IMMP2L: variants seen among roughly 807,000 people sequenced by gnomAD.
The protein encoded by IMMP2L is inner mitochondrial membrane peptidase subunit 2, also known as mitochondrial inner membrane protease subunit 2.
IMMP2L carries 18 observed loss-of-function variants against 19.3 expected under a neutral mutation model. The ratio of observed to expected loss-of-function variants is 0.93; its 90% CI spans 0.64 to 1.38. The LOEUF (loss-of-function observed/expected upper bound fraction) is 1.38. IMMP2L is among the 40% of genes most tolerant of loss of function. The pLI, the probability that IMMP2L is intolerant of heterozygous loss-of-function variation, is 0.00. For missense variants in IMMP2L, 233 were observed against 218.2 expected, an observed-to-expected ratio of 1.07 and a Z score of -0.43; for synonymous variants, 76 against 73.0, an observed-to-expected ratio of 1.04 and a Z score of -0.21.
chr7:110,970,172 G>A (rs1341653840), intron 3 of IMMP2L, among the ~76,000 whole-genome samples: 2 of 152,042 alleles, frequency 1.3e-5, no homozygotes, highest in African/African-American at 4.8e-5. Context: ...ATTGAAAAGA[G>A]CTGTGTAATT....
At chr7:111,373,483 C>T (rs1307797238) in intron 3 of IMMP2L, among the ~76,000 whole-genome samples, 1 of 151,958 alleles carries the variant, frequency 6.6e-6, no homozygotes, top group Non-Finnish European at 1.5e-5. Flanking sequence ...GAAAAGAGGC[C>T]ATGCAGTTAG....
At chr7:111,310,268 T>C (rs1232436143) in intron 3 of IMMP2L, among the ~76,000 whole-genome samples, 3 of 150,066 alleles carry the variant, frequency 2.0e-5, no homozygotes, top group African/African-American at 7.4e-5. Flanking sequence ...TGAGTTCACA[T>C]GCTTAATTTT....
chr7:110,747,583 G>A (rs980712087), intron 5 of IMMP2L, among the ~76,000 whole-genome samples: 3 of 152,116 alleles, frequency 2.0e-5, no homozygotes, highest in African/African-American at 7.2e-5. Flanking sequence ...GGGATGCAAG[G>A]CTGGTTCAAC....
intron 3 of IMMP2L, among the ~76,000 whole-genome samples, chr7:111,129,619 G>C (rs762507511): frequency 5.9e-5 from 9 of 151,950 alleles, no homozygotes; most frequent in Non-Finnish European, 1.3e-4. Context: ...GAACTACAGC[G>C]TTGTACTGGA....
chr7:111,311,571 G>T (rs1488539846), intron 3 of IMMP2L, among the ~76,000 whole-genome samples: 1 of 152,092 alleles, frequency 6.6e-6, no homozygotes, highest in Non-Finnish European at 1.5e-5. Flanking sequence ...GTATGTATTT[G>T]TAGCAATACT....
At chr7:111,497,634 A>T (rs1843718006) in intron 2 of IMMP2L, among the ~76,000 whole-genome samples, 1 of 152,112 alleles carries the variant, frequency 6.6e-6, no homozygotes, top group South Asian at 2.1e-4. Flanking sequence ...GAATAAAGTA[A>T]AGAAGGAAAT....
At chr7:110,825,844 A>G (rs1230258915) in intron 5 of IMMP2L, among the ~76,000 whole-genome samples, 1 of 152,210 alleles carries the variant, frequency 6.6e-6, no homozygotes, top group East Asian at 1.9e-4. Flanking sequence ...AATGGGATCT[A>G]ATTAAACTAA....
chr7:111,195,658 A>C (rs949226834), intron 3 of IMMP2L, among the ~76,000 whole-genome samples: 6 of 45,814 alleles, frequency 1.3e-4, no homozygotes, highest in Non-Finnish European at 2.9e-4. Context: ...ATGTGAGCTC[A>C]TTTATTTCCA....
intron 3 of IMMP2L, among the ~76,000 whole-genome samples, chr7:111,486,271 T>C (rs1842647976): frequency 6.6e-6 from 1 of 152,188 alleles, no homozygotes; most frequent in Non-Finnish European, 1.5e-5. Context: ...AACACATTTA[T>C]AGAATATCTA....
chr7:111,493,679 T>C (rs1563264559), intron 2 of IMMP2L, among the ~76,000 whole-genome samples: 1 of 131,776 alleles, frequency 7.6e-6, no homozygotes, highest in East Asian at 2.3e-4. Context: ...CACTCCAGCC[T>C]GGGCGACAGA....
At chr7:111,034,036 A>G (rs762529193) in intron 3 of IMMP2L, among the ~76,000 whole-genome samples, 1 of 152,192 alleles carries the variant, frequency 6.6e-6, no homozygotes, top group Non-Finnish European at 1.5e-5. Context: ...GAGAAGGAGT[A>G]TGGGAAGTGA....
At chr7:111,057,066 C>A in intron 3 of IMMP2L, among the ~76,000 whole-genome samples, 1 of 152,084 alleles carries the variant, frequency 6.6e-6, no homozygotes, top group East Asian at 1.9e-4. Flanking sequence ...ATGATTTTTT[C>A]AAATTGTTAA....
chr7:111,039,659 A>G (rs1260148509), intron 3 of IMMP2L, among the ~76,000 whole-genome samples: 3 of 152,196 alleles, frequency 2.0e-5, no homozygotes, highest in Admixed American at 6.5e-5. Flanking sequence ...TTTTTTTAAA[A>G]ACCATCACAA....
At chr7:111,110,297 T>G (rs547117228) in intron 3 of IMMP2L, among the ~76,000 whole-genome samples, 1 of 152,312 alleles carries the variant, frequency 6.6e-6, no homozygotes, top group East Asian at 1.9e-4. Context: ...TAGGAATCAG[T>G]CATTAAAGAA....
At chr7:111,054,049 A>G (rs574214688) in intron 3 of IMMP2L, among the ~76,000 whole-genome samples, 1 of 812 alleles carries the variant, frequency 1.2e-3, no homozygotes, top group Non-Finnish European at 0.01. Flanking sequence ...CAGGAAAATA[A>G]AAAAAATGGG....
chr7:111,030,834 A>C (rs1790689096), intron 3 of IMMP2L, among the ~76,000 whole-genome samples: 1 of 149,750 alleles, frequency 6.7e-6, no homozygotes, highest in African/African-American at 2.5e-5. Flanking sequence ...GTGTCTGTGT[A>C]TATATGTATG....
chr7:110,746,438 A>G (rs1311768446), intron 5 of IMMP2L, among the ~76,000 whole-genome samples: 1 of 152,240 alleles, frequency 6.6e-6, no homozygotes, highest in African/African-American at 2.4e-5. Flanking sequence ...TGCACCTCAA[A>G]TCAACAGAAT....
intron 5 of IMMP2L, among the ~76,000 whole-genome samples, chr7:110,777,591 A>G (rs1310518076): frequency 6.6e-6 from 1 of 152,026 alleles, no homozygotes; most frequent in African/African-American, 2.4e-5. Context: ...GAGCTGGAGA[A>G]TGAACACTGC....
intron 3 of IMMP2L, among the ~76,000 whole-genome samples, chr7:111,372,549 G>A (rs1830348206): frequency 6.6e-6 from 1 of 151,958 alleles, no homozygotes; most frequent in Non-Finnish European, 1.5e-5. Context: ...AGAGAAGAGA[G>A]ATGGAGCTGA....
Sources: gnomAD v4.1 joint callset for allele counts (sites outside exome capture counted in the v4.1 genomes callset) on GRCh38, gnomAD v4.1.1 for gene constraint, MANE v1.5 for transcripts, NCBI Gene and HGNC (gene_info 2026-07-23, HGNC 2026-07-21) for gene names.